NEDD1: variants seen among roughly 807,000 people sequenced by gnomAD.
The protein encoded by NEDD1 is protein NEDD1.
In NEDD1, 33 loss-of-function variants were observed where a neutral mutation model predicts 74.0. That is an observed-to-expected ratio of 0.45 (90% CI 0.34 to 0.60). NEDD1 has a LOEUF of 0.60. Ranked by LOEUF, NEDD1 falls within the 20% of genes least tolerant of loss-of-function variation. The pLI, the probability that NEDD1 is intolerant of heterozygous loss-of-function variation, is 0.01. For missense variants in NEDD1, 746 were observed against 776.5 expected (o/e 0.96, Z 0.47); for synonymous variants, 250 against 264.4 (o/e 0.95, Z 0.53).
intron 2 of NEDD1, among the ~76,000 whole-genome samples, chr12:96,909,328 A>G (rs1873658039): frequency 6.6e-6 from 1 of 152,178 alleles, no homozygotes; most frequent in Non-Finnish European, 1.5e-5. Flanking sequence ...CATAGGAGGA[A>G]ACATTTGAGC....
rs1301096256 is a variant in NEDD1 at position 96,926,425 on chromosome 12, GGA to G, written c.489+6301_489+6302del. Among the ~76,000 whole-genome samples, 261 of 152,194 alleles carry G rather than the reference GGA, an allele frequency of 1.7e-3. 1 individual carries two copies. Among genetic ancestry groups the G allele is most frequent in the Admixed American group, 3.7e-3 (56 of 15,272 alleles). On this transcript the variant is annotated intron_variant, in intron 6 of 15. Coordinates refer to ENST00000266742, the MANE Select transcript of NEDD1 (RefSeq NM_152905.4). The stretch of plus-strand genomic sequence containing the variant: ...CCATTAAAACAGAATACATGGGCTA[GGA>G]AATGCAAGTTGGCTTCTGCTGGTAA...
Position 96,940,397 on chromosome 12 carries a change from A to C in NEDD1, c.1118-12A>C, listed in dbSNP as rs759252964. ...TGTAATAACATTGATTTTTATATCT[A>C]ATTCCTATAAGGTTTGCCTCGAAGC... On this transcript the variant is annotated splice_polypyrimidine_tract_variant and intron_variant, in intron 9 of 15. Transcript: ENST00000266742. 11 of 1,529,108 alleles carry C rather than the reference A, an allele frequency of 7.2e-6. No homozygotes were observed. The highest frequency in any genetic ancestry group is 9.8e-6 in the Non-Finnish European group (11 of 1,118,844). 94.7% of individuals were successfully genotyped at this position (1,529,108 alleles called of 1,614,324 possible).
intron 14 of NEDD1, among the ~76,000 whole-genome samples, chr12:96,947,697 T>G (rs897096297): frequency 2.6e-5 from 4 of 152,184 alleles, no homozygotes; most frequent in African/African-American, 9.6e-5. Flanking sequence ...GCTGTGCATT[T>G]CTGCCCTGCT....
intron 4 of NEDD1, among the ~76,000 whole-genome samples, chr12:96,915,745 GAGA>G (rs2136518877): frequency 6.6e-6 from 1 of 152,314 alleles, no homozygotes; most frequent in African/African-American, 2.4e-5. Context: ...GATACTCACT[GAGA>G]AGAACTTGAC....
Position 96,937,384 on chromosome 12 carries a change from G to C in NEDD1, c.1108G>C (p.Glu370Gln). The C allele has an allele frequency of 6.3e-7, 1 of 1,575,750 alleles. No homozygotes were observed. Among genetic ancestry groups the C allele is most frequent in the African/African-American group, 1.4e-5 (1 of 72,660 alleles). The change falls in exon 9 of 16, where the codon GAA becomes CAA. Residue 370 changes from glutamate to glutamine, a missense_variant. Physicochemically the swap from Glu to Gln is conservative, Grantham distance 29. Coordinates refer to ENST00000266742, the MANE Select transcript of NEDD1 (RefSeq NM_152905.4). ...AMGKGTVAVQ[E>Q]KAGLPRSINT... ...GGGGAAAGGAACAGTTGCTGTTCAA[G>C]AAAAAGCAGGTAAATGTTGCTTATA...
chr12:96,939,009 T>C (rs1565807490), intron 9 of NEDD1, among the ~76,000 whole-genome samples: 2 of 152,002 alleles, frequency 1.3e-5, no homozygotes, highest in Non-Finnish European at 2.9e-5. Context: ...ATTGTGAAAA[T>C]CAGATAAAAT....
intron 6 of NEDD1, among the ~76,000 whole-genome samples, chr12:96,923,237 T>C (rs911235376): frequency 4.6e-5 from 7 of 152,244 alleles, no homozygotes; most frequent in Admixed American, 3.9e-4. Flanking sequence ...TTTCCTTATA[T>C]GAATGGGCCA....
chr12:96,907,365 C>T, intron 1 of NEDD1, 65 bp downstream of exon 1: 1 of 434,482 alleles, frequency 2.3e-6, no homozygotes, highest in Non-Finnish European at 4.0e-6. Flanking sequence ...CCCTCCCGAT[C>T]CTAAGACCCG....
chr12:96,922,439 A>T (rs1202078318), intron 6 of NEDD1, among the ~76,000 whole-genome samples: 1 of 152,178 alleles, frequency 6.6e-6, no homozygotes, highest in East Asian at 1.9e-4. Flanking sequence ...ACAAATTTAT[A>T]AATTTTGGAC....
intron 4 of NEDD1, among the ~76,000 whole-genome samples, chr12:96,914,361 C>T (rs1215255132): frequency 6.6e-6 from 1 of 152,032 alleles, no homozygotes; most frequent in Non-Finnish European, 1.5e-5. Context: ...ATGGTATTTA[C>T]AAGTGTGACA....
intron 12 of NEDD1, 38 bp downstream of exon 12, chr12:96,943,800 G>GT (rs1877914305): frequency 7.3e-7 from 1 of 1,371,932 alleles, no homozygotes; most frequent in Non-Finnish European, 1.0e-6. Context: ...CACTGTATGT[G>GT]TTTATCAGTA....
intron 2 of NEDD1, among the ~76,000 whole-genome samples, chr12:96,908,910 C>T (rs181791154): frequency 2.0e-4 from 30 of 152,290 alleles, no homozygotes; most frequent in Non-Finnish European, 4.0e-4. Context: ...GGCACGGTGG[C>T]TCACGCCTGT....
intron 8 of NEDD1, 142 bp downstream of exon 8, chr12:96,936,954 G>C (rs1163104693): frequency 1.2e-5 from 7 of 568,830 alleles, no homozygotes; most frequent in Non-Finnish European, 2.0e-5. Flanking sequence ...AATAATTTTA[G>C]TACAAAGCCA....
rs753638609 is a variant in NEDD1 at position 96,935,252 on chromosome 12, A to AT, written c.719+49dup. On this transcript the variant is annotated intron_variant, in intron 7 of 15. Transcript: ENST00000266742. ...CTTAATTTAGTAACAAATAGCTATT[A>AT]TTCCATTAACAGGCATATTTGTGAT... The AT allele has an allele frequency of 2.3e-5, 26 of 1,125,034 alleles. No homozygotes were observed. The African/African-American group carries it at 3.5e-4, about 15-fold the overall frequency. 69.7% of individuals were successfully genotyped at this position (1,125,034 alleles called of 1,614,324 possible). A position where few individuals can be genotyped will look rare whatever the true frequency, so the allele number is the denominator to read the frequency against.
intron 6 of NEDD1, among the ~76,000 whole-genome samples, chr12:96,924,354 A>G (rs905603606): frequency 4.6e-5 from 7 of 152,204 alleles, no homozygotes; most frequent in African/African-American, 1.7e-4. Flanking sequence ...CTAACAAAAA[A>G]TCTGCTTCAT....
At position 96,952,219 on chromosome 12, in the gene NEDD1, T is replaced by G. The variant is rs1048696452; in HGVS notation, c.*166T>G. 6.1e-6 allele frequency: 3 copies of G among 489,886 alleles called. No homozygotes were observed. The highest frequency in any genetic ancestry group is 6.0e-5 in the African/African-American group (3 of 49,834). 30.3% of individuals were successfully genotyped at this position (489,886 alleles called of 1,614,324 possible). A position where few individuals can be genotyped will look rare whatever the true frequency, so the allele number is the denominator to read the frequency against. On this transcript the variant is annotated 3_prime_UTR_variant, in exon 16 of 16. Transcript: ENST00000266742. ...CAACAACTGTTTCATCTTAAAAATA[T>G]GTATATTTTTATATTAAAAATTGTA...
chr12:96,944,589 A>G, intron 12 of NEDD1, 50 bp from the exon 13 acceptor site: 2 of 1,183,568 alleles, frequency 1.7e-6, no homozygotes, highest in South Asian at 3.0e-5. Context: ...TATGGGTAAT[A>G]TGAGTAAAAA....
intron 11 of NEDD1, among the ~76,000 whole-genome samples, chr12:96,943,203 A>G (rs1266650384): frequency 6.6e-6 from 1 of 152,084 alleles, no homozygotes. Flanking sequence ...CTTCCAAGAT[A>G]CATACCACAG....
chr12:96,919,882 T>C, intron 5 of NEDD1, 103 bp from the exon 6 acceptor site: 2 of 706,034 alleles, frequency 2.8e-6, no homozygotes, highest in Non-Finnish European at 4.6e-6. Context: ...TTAAAGCAAA[T>C]ATTAGATTGA....
Sources: allele counts gnomAD v4.1 joint callset (sites outside exome capture counted in the v4.1 genomes callset), GRCh38; gene constraint gnomAD v4.1.1; transcripts MANE v1.5; gene names NCBI Gene and HGNC (gene_info 2026-07-23, HGNC 2026-07-21).